Variants in SORCS2 observed in about 807,000 individuals in gnomAD.
The protein encoded by SORCS2 is sortilin related VPS10 domain containing receptor 2, also known as VPS10 domain-containing receptor SorCS2.
SORCS2 carries 100 observed loss-of-function variants against 141.6 expected under a neutral mutation model. The ratio of observed to expected loss-of-function variants is 0.71; its 90% confidence interval spans 0.60 to 0.83. SORCS2 has a LOEUF of 0.83. Among genes scored for constraint, SORCS2 ranks in the 40% least tolerant of loss-of-function variants. The pLI is 0.00. For synonymous variants in SORCS2, 789 were observed against 676.9 expected, an observed-to-expected ratio of 1.17 and a Z score of -2.57; for missense variants, 1,646 against 1,560.2, an observed-to-expected ratio of 1.05 and a Z score of -0.93.
At chr4:7,218,970 G>A (rs1415000756) in intron 1 of SORCS2, among the ~76,000 whole-genome samples, 6 of 151,070 alleles carry the variant, frequency 4.0e-5, no homozygotes. Context: ...GCCATGCTGT[G>A]TTCTTGTAGC....
chr4:7,717,750 C>T lies in SORCS2; in HGVS notation c.2253-262C>T, dbSNP rs369867970. On this transcript the variant is annotated intron_variant, in intron 17 of 26. Transcript: ENST00000507866. ...TGTTACTGTGAGTAATATGATCAGA[C>T]CACGGAGATGCCAGCGCCTCCGAAG... Among the ~76,000 whole-genome samples, 28 of 152,350 alleles carry T rather than the reference C, an allele frequency of 1.8e-4. No homozygotes were observed. The Middle Eastern group carries it at 0.014, about 74-fold the overall frequency.
chr4:7,598,015 C>G (rs1717400031), intron 3 of SORCS2, among the ~76,000 whole-genome samples: 1 of 144,734 alleles, frequency 6.9e-6, no homozygotes, highest in Non-Finnish European at 1.5e-5. Context: ...GTTGCCCAGG[C>G]TGGAGTGCAA....
At chr4:7,623,160 G>A (rs1719313063) in intron 3 of SORCS2, among the ~76,000 whole-genome samples, 1 of 152,054 alleles carries the variant, frequency 6.6e-6, no homozygotes. Context: ...GTAGTCCTCA[G>A]ACACACCAAT....
At chr4:7,675,992 C>A (rs1723080270) in intron 8 of SORCS2, 58 bp from the exon 9 acceptor site, 2 of 1,533,746 alleles carry the variant, frequency 1.3e-6, no homozygotes, top group African/African-American at 1.4e-5. Flanking sequence ...CTGCTTCTTC[C>A]TCCCTCGTGC....
intron 11 of SORCS2, among the ~76,000 whole-genome samples, chr4:7,693,258 A>G (rs1724374180): frequency 6.6e-6 from 1 of 152,082 alleles, no homozygotes; most frequent in Admixed American, 6.5e-5. Context: ...GAATCCTCAC[A>G]CTGAGTTATA....
chr4:7,420,886 C>T (rs7683216), intron 2 of SORCS2, among the ~76,000 whole-genome samples: 66,054 of 151,990 alleles, frequency 0.43, 14,439 homozygotes, highest in Middle Eastern at 0.6. Flanking sequence ...CGGCTTGGCG[C>T]GGAGCCTCTC....
At chr4:7,359,210 T>A (rs3896851) in intron 1 of SORCS2, among the ~76,000 whole-genome samples, 1 of 151,996 alleles carries the variant, frequency 6.6e-6, no homozygotes, top group Admixed American at 6.5e-5. Context: ...GCAGGAGAAT[T>A]GCTTGAACCC....
intron 2 of SORCS2, among the ~76,000 whole-genome samples, chr4:7,465,305 G>C (rs4391035): frequency 0.042 from 6,375 of 152,206 alleles, 471 homozygotes; most frequent in African/African-American, 0.14. Flanking sequence ...TGTTAATACT[G>C]CTTTTCCTTT....
At chr4:7,659,177 C>T (rs1721992752) in intron 5 of SORCS2, among the ~76,000 whole-genome samples, 1 of 151,350 alleles carries the variant, frequency 6.6e-6, no homozygotes, top group South Asian at 2.1e-4. Flanking sequence ...AGGTAGATGA[C>T]AGTTCAGTGG....
chr4:7,303,144 C>T (rs950725931), intron 1 of SORCS2, among the ~76,000 whole-genome samples: 2 of 152,152 alleles, frequency 1.3e-5, no homozygotes, highest in East Asian at 1.9e-4. Context: ...AAAATTAGTG[C>T]GCCCAGAGGA....
intron 1 of SORCS2, among the ~76,000 whole-genome samples, chr4:7,303,146 C>T (rs1299633671): frequency 2.6e-5 from 4 of 152,154 alleles, no homozygotes; most frequent in African/African-American, 4.8e-5. Flanking sequence ...AATTAGTGCG[C>T]CCAGAGGACC....
At chr4:7,726,184 G>A (rs1380021951) in intron 20 of SORCS2, among the ~76,000 whole-genome samples, 2 of 152,216 alleles carry the variant, frequency 1.3e-5, no homozygotes, top group East Asian at 1.9e-4. Context: ...CCACAGCTGC[G>A]GTGGCCATGT....
At chr4:7,491,893 G>A (rs552624101) in intron 2 of SORCS2, among the ~76,000 whole-genome samples, 7 of 152,328 alleles carry the variant, frequency 4.6e-5, no homozygotes, top group Non-Finnish European at 8.8e-5. Flanking sequence ...CTGTGGGAAG[G>A]CAGACAGCAG....
intron 1 of SORCS2, among the ~76,000 whole-genome samples, chr4:7,279,478 C>T (rs1443293963): frequency 6.6e-6 from 1 of 152,160 alleles, no homozygotes; most frequent in African/African-American, 2.4e-5. Flanking sequence ...ACAATAAATG[C>T]GGTGGTCAGT....
At chr4:7,346,569 T>C (rs2108998197) in intron 1 of SORCS2, among the ~76,000 whole-genome samples, 1 of 152,370 alleles carries the variant, frequency 6.6e-6, no homozygotes, top group Non-Finnish European at 1.5e-5. Context: ...TTGATAATGT[T>C]GCTCAAGTCA....
chr4:7,529,458 C>A (rs1022469985), intron 2 of SORCS2, among the ~76,000 whole-genome samples: 1 of 152,228 alleles, frequency 6.6e-6, no homozygotes, highest in African/African-American at 2.4e-5. Context: ...CTGCAGGCCA[C>A]TCCTGGCAGG....
At chr4:7,567,175 C>T (rs531699383) in intron 3 of SORCS2, among the ~76,000 whole-genome samples, 1 of 152,234 alleles carries the variant, frequency 6.6e-6, no homozygotes. Flanking sequence ...CCCTTGCCCA[C>T]AATTTCCTGT....
At chr4:7,641,320 C>A (rs1326850579) in intron 4 of SORCS2, among the ~76,000 whole-genome samples, 1 of 152,166 alleles carries the variant, frequency 6.6e-6, no homozygotes, top group Non-Finnish European at 1.5e-5. Context: ...AAGCAGGCAT[C>A]ATCTTCACAA....
At chr4:7,717,902 G>A in intron 17 of SORCS2, 110 bp from the exon 18 acceptor site, 3 of 1,211,854 alleles carry the variant, frequency 2.5e-6, no homozygotes, top group Non-Finnish European at 3.3e-6. Flanking sequence ...TCCTAGGGGT[G>A]GGAAGCCAAG....
Sources: allele counts gnomAD v4.1 joint callset (sites outside exome capture counted in the v4.1 genomes callset), GRCh38; gene constraint gnomAD v4.1.1; transcripts MANE v1.5; gene names NCBI Gene and HGNC (gene_info 2026-07-23, HGNC 2026-07-21).